The following BNC2 variants were observed in gnomAD, a reference collection of about 807,000 sequenced individuals.
BNC2 encodes zinc finger protein basonuclin-2.
BNC2 carries 20 observed loss-of-function variants against 76.3 expected under a neutral mutation model. That is an observed-to-expected ratio of 0.26 (90% confidence interval 0.18 to 0.38). BNC2 has a LOEUF of 0.38. Among genes scored for constraint, BNC2 ranks in the 10% least tolerant of loss-of-function variants. The pLI, the probability that BNC2 is intolerant of heterozygous loss-of-function variation, is 1.00. For missense variants in BNC2, 1,382 were observed against 1,399.8 expected (o/e 0.99, Z 0.20); for synonymous variants, 582 against 514.8 (o/e 1.13, Z -1.77).
intron 5 of BNC2, among the ~76,000 whole-genome samples, chr9:16,506,239 A>G (rs1488218830): frequency 6.6e-6 from 1 of 152,198 alleles, no homozygotes; most frequent in Non-Finnish European, 1.5e-5. Context: ...GAAAAGTCAC[A>G]AAAATACTTA....
At chr9:16,597,507 A>G (rs1820125777) in intron 3 of BNC2, among the ~76,000 whole-genome samples, 1 of 152,092 alleles carries the variant, frequency 6.6e-6, no homozygotes, top group Non-Finnish European at 1.5e-5. Flanking sequence ...ACTTTTTTAT[A>G]ATGCATATGT....
At chr9:16,486,839 C>T (rs1458119665) in intron 5 of BNC2, among the ~76,000 whole-genome samples, 3 of 152,118 alleles carry the variant, frequency 2.0e-5, no homozygotes, top group Admixed American at 6.5e-5. Context: ...GATCCTCCTG[C>T]CTCAGCCTCC....
chr9:16,548,404 C>G (rs1011437904), intron 5 of BNC2, among the ~76,000 whole-genome samples: 1 of 149,234 alleles, frequency 6.7e-6, no homozygotes, highest in African/African-American at 2.4e-5. Flanking sequence ...TCTTCTTCTT[C>G]GTTTTTTTTT....
At chr9:16,534,637 T>C (rs1012565936) in intron 5 of BNC2, among the ~76,000 whole-genome samples, 1 of 152,076 alleles carries the variant, frequency 6.6e-6, no homozygotes, top group Non-Finnish European at 1.5e-5. Flanking sequence ...GTATACTCTT[T>C]AACAAAAAAA....
At chr9:16,461,920 AG>A (rs1821591680) in intron 5 of BNC2, among the ~76,000 whole-genome samples, 1 of 152,196 alleles carries the variant, frequency 6.6e-6, no homozygotes. Context: ...TGTTCTCTTT[AG>A]TATGAAAGTA....
intron 3 of BNC2, among the ~76,000 whole-genome samples, chr9:16,606,762 T>C (rs952690170): frequency 2.0e-5 from 3 of 152,192 alleles, no homozygotes; most frequent in Non-Finnish European, 4.4e-5. Context: ...TTCGCCACGT[T>C]GGCCAGGCTG....
At chr9:16,420,581 T>A (rs949677796) in intron 6 of BNC2, among the ~76,000 whole-genome samples, 2 of 152,046 alleles carry the variant, frequency 1.3e-5, no homozygotes, top group African/African-American at 4.8e-5. Flanking sequence ...AACAATAACA[T>A]AGGGTTCCTT....
intron 3 of BNC2, among the ~76,000 whole-genome samples, chr9:16,615,557 G>A (rs1040576133): frequency 6.6e-6 from 1 of 151,956 alleles, no homozygotes; most frequent in African/African-American, 2.4e-5. Flanking sequence ...CGTTTCCTTC[G>A]GTTTACTACT....
At chr9:16,755,078 T>C (rs2135320848) in intron 1 of BNC2, among the ~76,000 whole-genome samples, 1 of 152,110 alleles carries the variant, frequency 6.6e-6, no homozygotes, top group South Asian at 2.1e-4. Flanking sequence ...CCTGACACAT[T>C]CCAGACCAAA....
At chr9:16,519,763 G>T (rs1037182407) in intron 5 of BNC2, among the ~76,000 whole-genome samples, 6 of 152,190 alleles carry the variant, frequency 3.9e-5, no homozygotes, top group Non-Finnish European at 8.8e-5. Context: ...GAAGAGAAAA[G>T]TGAGGTTCAT....
chr9:16,848,800 T>C (rs1819053757), intron 1 of BNC2, among the ~76,000 whole-genome samples: 1 of 152,194 alleles, frequency 6.6e-6, no homozygotes, highest in South Asian at 2.1e-4. Flanking sequence ...CCCACACTTT[T>C]TGAGTACCAA....
At position 16,414,144 on chromosome 9, in the gene BNC2, T is replaced by C. The variant is rs114279612; in HGVS notation, c.*4845A>G. 4.2e-3 allele frequency: 633 copies of C among 152,386 alleles called. 1 individual carries two copies. Among genetic ancestry groups the C allele is most frequent in the Middle Eastern group, 0.02 (6 of 296 alleles). The allele number at this position is 152,386 out of a possible 1,614,324, so 9.4% of individuals were successfully genotyped here. A position where few individuals can be genotyped will look rare whatever the true frequency, so the allele number is the denominator to read the frequency against. On this transcript the variant is annotated 3_prime_UTR_variant, in exon 7 of 7. Coordinates refer to ENST00000380672, the MANE Select transcript of BNC2 (RefSeq NM_017637.6). ...TTCAGCTATTTCATGCAGCTGTACTTGCTTTCCTAACCCCTTCCTCAGAGC... is the reference window on the plus strand; with the variant it reads ...TTCAGCTATTTCATGCAGCTGTACTCGCTTTCCTAACCCCTTCCTCAGAGC...
chr9:16,745,422 G>A (rs1228366363), intron 1 of BNC2, among the ~76,000 whole-genome samples: 1 of 152,202 alleles, frequency 6.6e-6, no homozygotes. Context: ...GGCAAAAGGT[G>A]AGGCGTTAAA....
At chr9:16,561,488 G>T (rs1819013760) in intron 4 of BNC2, among the ~76,000 whole-genome samples, 1 of 152,052 alleles carries the variant, frequency 6.6e-6, no homozygotes, top group African/African-American at 2.4e-5. Flanking sequence ...CAAACACAAG[G>T]ACCCAATTTC....
Position 16,436,242 on chromosome 9 carries a change from T to G in BNC2, c.1952A>C (p.Asp651Ala), listed in dbSNP as rs1213581166. The G allele has an allele frequency of 6.2e-7, 1 of 1,614,126 alleles. No homozygotes were observed. Residue 651 changes from aspartate (D) to alanine (A), a missense_variant, in exon 6 of 7, where the codon GAT (aspartate) becomes GCT (alanine). By Grantham distance (126) the Asp-to-Ala change is moderately radical. This residue lies in a region of BNC2 where 798 missense variants were observed against 775.5 expected (regional missense o/e 1.03). Transcript: ENST00000380672. Reference protein sequence around the residue: ...KIEKEIIDTADEFDDEDDDPN... With the variant: ...KIEKEIIDTAAEFDDEDDDPN... ...GTCATCATCTTCATCATCAAACTCATCGGCGGTATCAATAATTTCCTTCTC... is the reference window on the plus strand; with the variant it reads ...GTCATCATCTTCATCATCAAACTCAGCGGCGGTATCAATAATTTCCTTCTC...
chr9:16,756,629 T>G (rs908644750), intron 1 of BNC2, among the ~76,000 whole-genome samples: 4 of 152,224 alleles, frequency 2.6e-5, no homozygotes, highest in African/African-American at 9.6e-5. Flanking sequence ...ACATTCTTTC[T>G]TTGCTTTAAA....
chr9:16,750,679 C>T (rs767255220), intron 1 of BNC2, among the ~76,000 whole-genome samples: 2 of 152,226 alleles, frequency 1.3e-5, no homozygotes, highest in Admixed American at 6.5e-5. Flanking sequence ...TAGACCGTAA[C>T]ACATTCTTGC....
chr9:16,538,316 A>C (rs1436104902), intron 5 of BNC2, among the ~76,000 whole-genome samples: 1 of 152,182 alleles, frequency 6.6e-6, no homozygotes, highest in Non-Finnish European at 1.5e-5. Flanking sequence ...TGAGTGAAGG[A>C]AACTAACAAA....
intron 3 of BNC2, among the ~76,000 whole-genome samples, chr9:16,666,179 A>C (rs2134125446): frequency 6.6e-6 from 1 of 152,296 alleles, no homozygotes; most frequent in East Asian, 1.9e-4. Context: ...CCCATAAAAT[A>C]CATTTTTTTT....
Sources: gnomAD v4.1 joint callset for allele counts (sites outside exome capture counted in the v4.1 genomes callset) on GRCh38, gnomAD v4.1.1 for gene constraint, gnomAD v4.1.1 regional missense constraint, MANE v1.5 for transcripts, NCBI Gene and HGNC (gene_info 2026-07-23, HGNC 2026-07-21) for gene names.